The following MRTFA variants were observed in gnomAD, a reference collection of about 807,000 sequenced individuals.
MRTFA encodes myocardin related transcription factor A, also known as myocardin-related transcription factor A.
In MRTFA, 20 loss-of-function variants were observed where a neutral mutation model predicts 83.5. The ratio of observed to expected loss-of-function variants is 0.24; its 90% CI spans 0.17 to 0.35. The LOEUF is 0.35. MRTFA is among the 10% of genes least tolerant of loss of function. MRTFA has a pLI of 1.00. For missense variants in MRTFA, 1,200 were observed against 1,224.7 expected, an observed-to-expected ratio of 0.98 and a Z score of 0.30; for synonymous variants, 659 against 541.2, an observed-to-expected ratio of 1.22 and a Z score of -3.02.
At chr22:40,562,556 G>T (rs540333277) in intron 2 of MRTFA, among the ~76,000 whole-genome samples, 115 of 131,918 alleles carry the variant, frequency 8.7e-4, no homozygotes, top group Non-Finnish European at 1.7e-3. Context: ...AAGAAAAACG[G>T]AAGGGAAGGG....
At chr22:40,470,271 AT>A (rs1269916036) in intron 3 of MRTFA, among the ~76,000 whole-genome samples, 2 of 120,162 alleles carry the variant, frequency 1.7e-5, no homozygotes, top group Non-Finnish European at 3.4e-5. Flanking sequence ...ATATATATAT[AT>A]ATATATATAA....
At chr22:40,463,742 T>C (rs976115022) in intron 3 of MRTFA, among the ~76,000 whole-genome samples, 3 of 152,232 alleles carry the variant, frequency 2.0e-5, no homozygotes, top group African/African-American at 7.2e-5. Context: ...GTACTATTTG[T>C]AAACTCTTTT....
At chr22:40,550,837 C>T (rs993695056) in intron 3 of MRTFA, among the ~76,000 whole-genome samples, 2 of 142,226 alleles carry the variant, frequency 1.4e-5, no homozygotes, top group African/African-American at 5.0e-5. Flanking sequence ...GTTCTTTATC[C>T]ATTTTTTCTT....
Position 40,418,627 on chromosome 22 carries a change from G to A in MRTFA, c.2111C>T (p.Pro704Leu), listed in dbSNP as rs1323403400. 2 of 1,530,594 alleles carry A rather than the reference G, an allele frequency of 1.3e-6. No homozygotes were observed. Among genetic ancestry groups the A allele is most frequent in the East Asian group, 2.3e-5 (1 of 44,276 alleles). 94.8% of individuals were successfully genotyped at this position (1,530,594 alleles called of 1,614,324 possible). A position where few individuals can be genotyped will look rare whatever the true frequency, so the allele number is the denominator to read the frequency against. The change falls in exon 12 of 15, where the codon CCA becomes CTA. Residue 704 changes from proline (P) to leucine (L), a missense_variant. By Grantham distance (98) the Pro-to-Leu change is moderately conservative. Transcript: ENST00000355630. The stretch of plus-strand genomic sequence containing the variant: ...ACAAGGGTCTATGTGGTTGGTGGCT[G>A]GGGCCGCCAGGCTGGGGTTGAATGG...
intron 4 of MRTFA, among the ~76,000 whole-genome samples, chr22:40,448,117 C>T (rs2053416553): frequency 6.6e-6 from 1 of 152,194 alleles, no homozygotes. Flanking sequence ...CAAGAGCATC[C>T]TGGCCAACAC....
chr22:40,568,593 C>A (rs1237604822), intron 2 of MRTFA, among the ~76,000 whole-genome samples: 1 of 152,150 alleles, frequency 6.6e-6, no homozygotes, highest in Non-Finnish European at 1.5e-5. Context: ...TATTTTAATA[C>A]CATTTTAAGC....
chr22:40,418,130 G>C (rs556483270), intron 12 of MRTFA, among the ~76,000 whole-genome samples: 5 of 152,182 alleles, frequency 3.3e-5, no homozygotes, highest in Non-Finnish European at 5.9e-5. Flanking sequence ...CTGAGGTGCC[G>C]AAATGTTCTA....
chr22:40,436,073 T>C (rs1043011009), intron 4 of MRTFA, among the ~76,000 whole-genome samples: 7 of 152,108 alleles, frequency 4.6e-5, no homozygotes, highest in Non-Finnish European at 1.0e-4. Flanking sequence ...GAAACCAAAA[T>C]ATGACTCCTA....
intron 2 of MRTFA, among the ~76,000 whole-genome samples, chr22:40,586,258 T>C (rs1385524665): frequency 2.0e-5 from 3 of 150,286 alleles, no homozygotes; most frequent in Admixed American, 2.0e-4. Context: ...AATACATCAT[T>C]TGCTCTTCAA....
In MRTFA at chr22:40,584,918, G is replaced by A. The variant is rs1056692904; in HGVS notation, c.-22+9756C>T. Reference sequence around the variant, plus strand: ...AAATTAGCTGGGCGTGGTGGCGCACGCCTGTAGTCCCAGCTACCTGAGAGT... The same window carrying A: ...AAATTAGCTGGGCGTGGTGGCGCACACCTGTAGTCCCAGCTACCTGAGAGT... On this transcript the variant is annotated intron_variant, in intron 2 of 14. Coordinates refer to ENST00000355630, the MANE Select transcript of MRTFA (RefSeq NM_020831.6). 3.9e-5 allele frequency among the ~76,000 whole-genome samples: 6 copies of A among 152,136 alleles called. No homozygotes were observed. In the East Asian group the frequency reaches 5.8e-4, roughly 15 times the overall value.
intron 2 of MRTFA, among the ~76,000 whole-genome samples, chr22:40,571,076 G>T (rs1350053512): frequency 6.7e-6 from 1 of 149,694 alleles, no homozygotes; most frequent in Non-Finnish European, 1.5e-5. Context: ...GGGCATGGTG[G>T]TGTGCGCCTG....
chr22:40,418,769 G>C lies in MRTFA; in HGVS notation c.1969C>G (p.Gln657Glu), dbSNP rs2147067622. ...GCGGGCTGCTGGGCTCGCTTCTCCT[G>C]CTCCAGCTGCAGCTTGAGCCGCTCC... is the stretch of plus-strand genomic sequence containing the variant. Residue 657 changes from glutamine (Q) to glutamate (E), a missense_variant, in exon 12 of 15, where the codon CAG (glutamine) becomes GAG (glutamate). This residue lies in a region of MRTFA where 1,107 missense variants were observed against 1,041.8 expected (regional missense o/e 1.06). Coordinates refer to ENST00000355630, the MANE Select transcript of MRTFA (RefSeq NM_020831.6). 3 of 1,561,510 alleles carry C rather than the reference G, an allele frequency of 1.9e-6. No homozygotes were observed. Among genetic ancestry groups the C allele is most frequent in the Admixed American group, 1.9e-5 (1 of 53,650 alleles).
intron 2 of MRTFA, chr22:40,586,924 GTGCTGC>G (rs971204262): frequency 8.1e-6 from 3 of 369,948 alleles, no homozygotes; most frequent in African/African-American, 4.5e-5. Context: ...GCTGGTGCTG[GTGCTGC>G]TGCTGCTGCT....
chr22:40,454,790 T>C (rs559402818), intron 4 of MRTFA, among the ~76,000 whole-genome samples: 2 of 152,298 alleles, frequency 1.3e-5, no homozygotes, highest in East Asian at 1.9e-4. Context: ...TGCATGTATG[T>C]ATATATTTGT....
chr22:40,499,050 A>C (rs2054410628), intron 3 of MRTFA, among the ~76,000 whole-genome samples: 1 of 152,184 alleles, frequency 6.6e-6, no homozygotes, highest in Non-Finnish European at 1.5e-5. Flanking sequence ...GATGTCCCAC[A>C]ACACAGACAA....
chr22:40,431,733 A>G (rs1009454412), intron 5 of MRTFA, among the ~76,000 whole-genome samples: 2 of 152,178 alleles, frequency 1.3e-5, no homozygotes, highest in African/African-American at 4.8e-5. Context: ...CTGACAATAT[A>G]TCTATTAAAA....
rs145139377 is a variant in MRTFA at position 40,416,652 on chromosome 22, G to T, written c.2578+334C>A. On this transcript the variant is annotated intron_variant, in intron 14 of 14. Coordinates refer to ENST00000355630, the MANE Select transcript of MRTFA (RefSeq NM_020831.6). The surrounding 1 kb of genome is among the most constrained non-coding windows in gnomAD (Gnocchi z 4.2). ...CCCTCTCCTCCATTTTTGTCCTAAGGCTCCTCTCGGATCTTCCATATGATC... is the reference window on the plus strand; with the variant it reads ...CCCTCTCCTCCATTTTTGTCCTAAGTCTCCTCTCGGATCTTCCATATGATC... Among the ~76,000 whole-genome samples the T allele has an allele frequency of 1.8e-4, 28 of 152,316 alleles. No individual in the cohort carries two copies. The East Asian group carries it at 2.7e-3, about 15-fold the overall frequency.
At position 40,425,727 on chromosome 22, in the gene MRTFA, C is replaced by T. The variant is rs534873924; in HGVS notation, c.602-1346G>A. 9.1e-4 allele frequency among the ~76,000 whole-genome samples: 138 copies of T among 152,364 alleles called. 1 individual carries two copies. In the Middle Eastern group the frequency reaches 0.02, roughly 23 times the overall value. ...CCCCACAATCTCCTACTTCCGGCAA[C>T]GGCATCTGATTTGGGACAGCAGCCC... On this transcript the variant is annotated intron_variant, in intron 7 of 14. Transcript: ENST00000355630.
At chr22:40,612,856 A>G (rs2056402818) in intron 1 of MRTFA, among the ~76,000 whole-genome samples, 2 of 152,164 alleles carry the variant, frequency 1.3e-5, no homozygotes, top group South Asian at 4.1e-4. Flanking sequence ...CTAAGGTGGG[A>G]GGATCACTTG....
Sources: gnomAD v4.1 joint callset for allele counts (sites outside exome capture counted in the v4.1 genomes callset) on GRCh38, gnomAD v4.1.1 for gene constraint, gnomAD v4.1.1 regional missense constraint, Gnocchi (gnomAD v3.1) non-coding constraint, MANE v1.5 for transcripts, NCBI Gene and HGNC (gene_info 2026-07-23, HGNC 2026-07-21) for gene names.